Variants in MCPH1 observed in about 807,000 individuals in gnomAD.
MCPH1 encodes the protein microcephalin.
Under a neutral mutation model 84.5 loss-of-function variants are expected in MCPH1, and 104 were observed. That is an observed-to-expected ratio of 1.23 (90% CI 1.05 to 1.45). MCPH1 has a LOEUF of 1.45. Ranked by LOEUF, MCPH1 falls within the 40% of genes most tolerant of loss-of-function variation. MCPH1 has a pLI of 0.00. For missense variants in MCPH1, 1,498 were observed against 1,005.7 expected, an observed-to-expected ratio of 1.49 and a Z score of -6.62; for synonymous variants, 514 against 366.8, an observed-to-expected ratio of 1.40 and a Z score of -4.58.
chr8:6,504,279 C>T (rs1041531974), intron 12 of MCPH1, among the ~76,000 whole-genome samples: 1 of 136,800 alleles, frequency 7.3e-6, no homozygotes, highest in Non-Finnish European at 1.5e-5. Flanking sequence ...GATCGCGCCA[C>T]TGCACTCCAG....
intron 12 of MCPH1, among the ~76,000 whole-genome samples, chr8:6,611,524 G>A (rs537235026): frequency 7.6e-4 from 116 of 152,296 alleles, no homozygotes; most frequent in African/African-American, 2.3e-3. Flanking sequence ...CGGGGAGCAG[G>A]GCATACGGAG....
At chr8:6,428,071 C>T (rs1801323815) in intron 3 of MCPH1, among the ~76,000 whole-genome samples, 1 of 152,090 alleles carries the variant, frequency 6.6e-6, no homozygotes, top group African/African-American at 2.4e-5. Flanking sequence ...TGTGAGCCAC[C>T]ACGCCTCGCC....
In MCPH1 at chr8:6,439,081, A is replaced by C; in HGVS notation, c.565A>C (p.Asn189His). Residue 189 changes from asparagine (N) to histidine (H), a missense_variant, in exon 6 of 14, where the codon AAT (asparagine) becomes CAT (histidine). By Grantham distance (68) the Asn-to-His change is moderately conservative (BLOSUM62 1). Coordinates refer to ENST00000344683, the MANE Select transcript of MCPH1 (RefSeq NM_024596.5). ...ACAAGAGATGAAGGAGAAAAGGGAA[A>C]ATCTTTCCCCCACCTGTAAGTAATT... ...RLQEMKEKRE[N>H]LSPTSSQMIQ... 6.2e-7 allele frequency: 1 copy of C among 1,613,398 alleles called. No homozygotes were observed. Among genetic ancestry groups the C allele is most frequent in the Non-Finnish European group, 8.5e-7 (1 of 1,179,826 alleles).
chr8:6,443,494 G>A (rs1241215173), intron 7 of MCPH1, among the ~76,000 whole-genome samples: 6 of 151,490 alleles, frequency 4.0e-5, no homozygotes, highest in South Asian at 2.1e-4. Context: ...TAACACTTAC[G>A]TGACCTCCAG....
intron 12 of MCPH1, among the ~76,000 whole-genome samples, chr8:6,533,709 T>A (rs971992286): frequency 6.6e-6 from 1 of 151,936 alleles, no homozygotes; most frequent in East Asian, 1.9e-4. Context: ...GTTTATTACA[T>A]TGAATAATTG....
chr8:6,446,006 AACT>A (rs1804313892), intron 8 of MCPH1: 1 of 979,564 alleles, frequency 1.0e-6, no homozygotes. Flanking sequence ...AAGTGTGAAA[AACT>A]ACTTTTAGAA....
At chr8:6,450,314 C>A (rs1342283954) in intron 8 of MCPH1, among the ~76,000 whole-genome samples, 1 of 151,832 alleles carries the variant, frequency 6.6e-6, no homozygotes, top group African/African-American at 2.4e-5. Flanking sequence ...TGCTGAAGGC[C>A]CAGTTCTCTG....
At chr8:6,550,607 G>C (rs981506210) in intron 12 of MCPH1, among the ~76,000 whole-genome samples, 3 of 152,230 alleles carry the variant, frequency 2.0e-5, no homozygotes, top group Non-Finnish European at 4.4e-5. Context: ...GTAGGGTGGC[G>C]GGCGTTGGTG....
rs146824411 is a variant in MCPH1, at chr8:6,425,105, G to A, written c.234-6394G>A. Among the ~76,000 whole-genome samples, 178 of 152,292 alleles carry A rather than the reference G, an allele frequency of 1.2e-3. 1 individual carries two copies. The highest frequency in any genetic ancestry group is 4.1e-3 in the African/African-American group (172 of 41,560). On this transcript the variant is annotated intron_variant, in intron 3 of 13. Coordinates refer to ENST00000344683, the MANE Select transcript of MCPH1 (RefSeq NM_024596.5). The stretch of plus-strand genomic sequence containing the variant: ...GAATGAGAGTCGGTGGTTCCTGGCC[G>A]ACCTAGCAGGTGTACTGTGGGAAGT...
intron 12 of MCPH1, among the ~76,000 whole-genome samples, chr8:6,569,179 T>C (rs1826462968): frequency 6.6e-6 from 1 of 152,132 alleles, no homozygotes; most frequent in African/African-American, 2.4e-5. Context: ...ACAAATCGTA[T>C]GCAATAATTA....
chr8:6,512,592 C>G (rs3020215), intron 12 of MCPH1, among the ~76,000 whole-genome samples: 2 of 152,032 alleles, frequency 1.3e-5, no homozygotes, highest in South Asian at 2.1e-4. Context: ...TCTCACTTCT[C>G]TGCCCCTCCC....
intron 12 of MCPH1, among the ~76,000 whole-genome samples, chr8:6,574,301 C>G (rs1324945971): frequency 6.6e-6 from 1 of 152,148 alleles, no homozygotes; most frequent in Non-Finnish European, 1.5e-5. Context: ...CTGTCCCATC[C>G]TAGCTTCTGG....
chr8:6,576,959 A>G (rs1412669252), intron 12 of MCPH1, among the ~76,000 whole-genome samples: 1 of 152,096 alleles, frequency 6.6e-6, no homozygotes, highest in African/African-American at 2.4e-5. Context: ...TGAGAGACGC[A>G]GGGCCCTGCC....
In MCPH1 at chr8:6,444,424, T is replaced by C; in HGVS notation, c.702T>C (p.Ser234=). The C allele has an allele frequency of 6.2e-7, 1 of 1,614,210 alleles. No individual in the cohort carries two copies. The highest frequency in any genetic ancestry group is 8.5e-7 in the Non-Finnish European group (1 of 1,180,026). ...ACTTTGCTGGTGGCTTACACTCATC[T>C]TTTGATGATCTTTGTGGAAACTCAG... ...DEYFAGGLHS[S]FDDLCGNSGC... The change falls in exon 8 of 14, where the codon TCT becomes TCC. Residue 234 remains serine (S), a synonymous_variant. Coordinates refer to ENST00000344683, the MANE Select transcript of MCPH1 (RefSeq NM_024596.5).
At chr8:6,551,899 G>C (rs554459071) in intron 12 of MCPH1, among the ~76,000 whole-genome samples, 4 of 152,298 alleles carry the variant, frequency 2.6e-5, no homozygotes, top group Admixed American at 2.0e-4. Context: ...GAATTTTTAA[G>C]CTACATCTGT....
In MCPH1 at chr8:6,477,861, G is replaced by A. The variant is rs140578362; in HGVS notation, c.1973+230G>A. Among the ~76,000 whole-genome samples the A allele has an allele frequency of 2.5e-3, 388 of 152,352 alleles. 4 individuals carry two copies. Among genetic ancestry groups the A allele is most frequent in the African/African-American group, 8.4e-3 (348 of 41,576 alleles). ...AGGCAGCATTAAGAGGTGTGTGCTC[G>A]TTTTGGTGTTCTTTTGCTTGCTTGA... On this transcript the variant is annotated intron_variant, in intron 10 of 13. Coordinates refer to ENST00000344683, the MANE Select transcript of MCPH1 (RefSeq NM_024596.5).
intron 12 of MCPH1, among the ~76,000 whole-genome samples, chr8:6,521,657 A>G (rs531208525): frequency 6.6e-6 from 1 of 152,290 alleles, no homozygotes; most frequent in Non-Finnish European, 1.5e-5. Context: ...CACACAAGAA[A>G]AGGTACCCCA....
intron 11 of MCPH1, among the ~76,000 whole-genome samples, chr8:6,494,700 C>A (rs1488758306): frequency 6.6e-6 from 1 of 151,944 alleles, no homozygotes; most frequent in East Asian, 1.9e-4. Context: ...ATAGGTAAAT[C>A]CATAGAATAG....
chr8:6,537,583 T>TA (rs1334090749), intron 12 of MCPH1, among the ~76,000 whole-genome samples: 1 of 151,730 alleles, frequency 6.6e-6, no homozygotes, highest in Non-Finnish European at 1.5e-5. Context: ...TATATATATA[T>TA]TTTAGTGCAA....
Sources: gnomAD v4.1 joint callset for allele counts (sites outside exome capture counted in the v4.1 genomes callset) on GRCh38, gnomAD v4.1.1 for gene constraint, MANE v1.5 for transcripts, NCBI Gene and HGNC (gene_info 2026-07-23, HGNC 2026-07-21) for gene names.